Variants in KANSL3 observed in about 807,000 individuals in gnomAD.
The protein encoded by KANSL3 is NSL complex protein NSL3.
KANSL3 carries 16 observed loss-of-function variants against 89.2 expected under a neutral mutation model. That is an observed-to-expected ratio of 0.18 (90% CI 0.12 to 0.27). The LOEUF is 0.27. KANSL3 is among the 10% of genes least tolerant of loss of function. The pLI, the probability that KANSL3 is intolerant of heterozygous loss-of-function variation, is 1.00. For synonymous variants in KANSL3, 385 were observed against 419.7 expected, an observed-to-expected ratio of 0.92 and a Z score of 1.01; for missense variants, 879 against 1,110.6, an observed-to-expected ratio of 0.79 and a Z score of 2.96.
chr2:96,634,532 T>A (rs1375777795), intron 2 of KANSL3, among the ~76,000 whole-genome samples: 4 of 150,068 alleles, frequency 2.7e-5, no homozygotes, highest in Admixed American at 6.6e-5. Flanking sequence ...AAAAAGAAAG[T>A]AAGAAACAAA....
intron 3 of KANSL3, among the ~76,000 whole-genome samples, chr2:96,623,835 C>T (rs749204030): frequency 3.3e-5 from 5 of 152,168 alleles, no homozygotes; most frequent in African/African-American, 4.8e-5. Flanking sequence ...AGTCGAAATC[C>T]GAGATTAGAG....
intron 3 of KANSL3, among the ~76,000 whole-genome samples, chr2:96,627,336 T>C (rs1249630391): frequency 1.3e-5 from 2 of 151,998 alleles, no homozygotes; most frequent in East Asian, 3.9e-4. Context: ...TGCCTCAGCC[T>C]CCCGAGTAGC....
At chr2:96,637,368 A>C in intron 1 of KANSL3, 183 bp from the exon 2 acceptor site, 1 of 504,066 alleles carries the variant, frequency 2.0e-6, no homozygotes. Flanking sequence ...AGAAAAAAAA[A>C]ACTATGGTGC....
At chr2:96,637,678 A>T (rs1031429747) in intron 1 of KANSL3, among the ~76,000 whole-genome samples, 1 of 152,204 alleles carries the variant, frequency 6.6e-6, no homozygotes, top group African/African-American at 2.4e-5. Flanking sequence ...AAAAAAGCGA[A>T]TCCCAGCTAG....
intron 20 of KANSL3, among the ~76,000 whole-genome samples, chr2:96,598,377 TG>T (rs1367679555): frequency 6.6e-6 from 1 of 152,122 alleles, no homozygotes; most frequent in Non-Finnish European, 1.5e-5. Flanking sequence ...GGCCAAAGCC[TG>T]AGGAGATTAA....
At chr2:96,632,283 A>T (rs1390377950) in intron 2 of KANSL3, among the ~76,000 whole-genome samples, 1 of 152,178 alleles carries the variant, frequency 6.6e-6, no homozygotes, top group Admixed American at 6.5e-5. Context: ...GTTTGGCAAT[A>T]TGGCAAAACC....
rs1397233034 is a variant in KANSL3 at position 96,601,715 on chromosome 2, T to C, written c.2544A>G (p.Thr848=). 6.2e-7 allele frequency: 1 copy of C among 1,609,394 alleles called. No individual in the cohort carries two copies. The highest frequency in any genetic ancestry group is 8.5e-7 in the Non-Finnish European group (1 of 1,178,132). The stretch of plus-strand genomic sequence containing the variant: ...CTGCTCCTGAGCCCATAGGGCTCAG[T>C]GTAGTGATCCTGCTCGGCTGGCCAC... ...TLRGQPSRIT[T]LSPMGSGAAP... Residue 848 remains threonine (T), a synonymous_variant, in exon 20 of 21, where the codon ACA becomes ACG. Coordinates refer to ENST00000431828, the MANE Select transcript of KANSL3 (RefSeq NM_001115016.3).
chr2:96,602,938 C>G, intron 17 of KANSL3, 76 bp from the exon 18 acceptor site: 1 of 1,361,858 alleles, frequency 7.3e-7, no homozygotes, highest in Non-Finnish European at 1.0e-6. Flanking sequence ...ATCCATCCAC[C>G]CTCACCACCA....
Position 96,602,864 on chromosome 2 carries a change from T to A in KANSL3, c.2150-2A>T. 6.2e-7 allele frequency: 1 copy of A among 1,613,596 alleles called. No individual in the cohort carries two copies. Among genetic ancestry groups the A allele is most frequent in the Non-Finnish European group, 8.5e-7 (1 of 1,179,662 alleles). On this transcript the variant is annotated splice_acceptor_variant, in intron 17 of 20. Transcript: ENST00000431828. LOFTEE classifies it high-confidence loss of function. ...GGAGGCTGCTGGCTGATGTGGCCCC[T>A]AAGAGAGGACATAGCAGGAATCAGT... is the stretch of plus-strand genomic sequence containing the variant.
rs535943299 is a variant in KANSL3 at position 96,605,634 on chromosome 2, T to C, written c.1742-123A>G. Reference sequence around the variant, plus strand: ...GAACACACAGGATAACCACTCTACGTACAGGGCCACCCCTCAAAGGAGACT... The same window carrying C: ...GAACACACAGGATAACCACTCTACGCACAGGGCCACCCCTCAAAGGAGACT... On this transcript the variant is annotated intron_variant, in intron 14 of 20. Coordinates refer to ENST00000431828, the MANE Select transcript of KANSL3 (RefSeq NM_001115016.3). 22 of 776,008 alleles carry C rather than the reference T, an allele frequency of 2.8e-5. No homozygotes were observed. The South Asian group carries it at 3.7e-4, about 13-fold the overall frequency. 48.1% of individuals were successfully genotyped at this position (776,008 alleles called of 1,614,324 possible).
At chr2:96,632,073 A>G (rs959951893) in intron 2 of KANSL3, among the ~76,000 whole-genome samples, 3 of 152,156 alleles carry the variant, frequency 2.0e-5, no homozygotes, top group Middle Eastern at 3.4e-3. Context: ...TGACAAATAC[A>G]GCCAGACACA....
In KANSL3 at chr2:96,604,284, G is replaced by A. The variant is rs766875638; in HGVS notation, c.2115C>T (p.Arg705=). 6.2e-7 allele frequency: 1 copy of A among 1,610,764 alleles called. No individual in the cohort carries two copies. Reference sequence around the variant, plus strand: ...AGCTGCCAGGAGATGTGGCCACCAGGCGGCTCTGCAGTGTGTGCAAGGCAC... The same window carrying A: ...AGCTGCCAGGAGATGTGGCCACCAGACGGCTCTGCAGTGTGTGCAAGGCAC... The part of the protein sequence containing the change: ...APSALHTLQS[R]LVATSPGSSL... Residue 705 remains arginine, a synonymous_variant, in exon 17 of 21, where the codon CGC becomes CGT. Transcript: ENST00000431828.
chr2:96,598,244 A>G, intron 20 of KANSL3: 1 of 471,888 alleles, frequency 2.1e-6, no homozygotes. Flanking sequence ...AAACTGTTTT[A>G]GAGTATGAGA....
chr2:96,601,835 C>A, intron 19 of KANSL3, 59 bp from the exon 20 acceptor site: 1 of 1,492,152 alleles, frequency 6.7e-7, no homozygotes, highest in East Asian at 2.3e-5. Flanking sequence ...TCTACTGAGG[C>A]TTTCCTTTCC....
intron 5 of KANSL3, chr2:96,615,608 A>G (rs1383896066): frequency 1.2e-6 from 1 of 839,006 alleles, no homozygotes; most frequent in Non-Finnish European, 1.7e-6. Context: ...AAGGTTTTGA[A>G]AAATTGGAGA....
At chr2:96,599,426 A>G (rs914067872) in intron 20 of KANSL3, among the ~76,000 whole-genome samples, 1 of 152,368 alleles carries the variant, frequency 6.6e-6, no homozygotes. Context: ...TGTATGTTAT[A>G]TATGTTTTAC....
intron 16 of KANSL3, 77 bp from the exon 17 acceptor site, chr2:96,604,457 G>A: frequency 2.6e-6 from 4 of 1,523,020 alleles, no homozygotes; most frequent in Non-Finnish European, 3.5e-6. Context: ...AGGGTACAGA[G>A]TGGGGCCCAG....
downstream of KANSL3, among the ~76,000 whole-genome samples, chr2:96,589,964 C>T (rs2066261537): frequency 6.6e-6 from 1 of 150,656 alleles, no homozygotes; most frequent in East Asian, 2.0e-4. Flanking sequence ...GCCTGGCCGA[C>T]GTGGTGAAAC....
chr2:96,588,745 C>T (rs1333831628), downstream of KANSL3, among the ~76,000 whole-genome samples: 1 of 152,064 alleles, frequency 6.6e-6, no homozygotes, highest in Non-Finnish European at 1.5e-5. Context: ...CGCCCACCAC[C>T]ACACCCAGCT....
Sources: gnomAD v4.1 joint callset for allele counts (sites outside exome capture counted in the v4.1 genomes callset) on GRCh38, gnomAD v4.1.1 for gene constraint, MANE v1.5 for transcripts, NCBI Gene and HGNC (gene_info 2026-07-23, HGNC 2026-07-21) for gene names.